OR5A1: variants seen among roughly 807,000 people sequenced by gnomAD.
The protein encoded by OR5A1 is olfactory receptor family 5 subfamily A member 1.
A neutral mutation model predicts 6.7 loss-of-function variants in OR5A1; 6 were observed. The ratio of observed to expected loss-of-function variants is 0.89; its 90% CI spans 0.49 to 1.76. The LOEUF (loss-of-function observed/expected upper bound fraction) is 1.76. OR5A1 is among the 40% of genes most tolerant of loss of function. The probability of loss-of-function intolerance (pLI) is 0.01; values close to 1 mark genes in which losing one functional copy is unlikely to be tolerated. For missense variants in OR5A1, 378 were observed against 381.7 expected, an observed-to-expected ratio of 0.99 and a Z score of 0.08; for synonymous variants, 170 against 155.0, an observed-to-expected ratio of 1.10 and a Z score of -0.72.
chr11:59,437,520 C>T (rs1216922172), intron 1 of OR5A1, among the ~76,000 whole-genome samples: 1 of 152,096 alleles, frequency 6.6e-6, no homozygotes, highest in Non-Finnish European at 1.5e-5. Context: ...CATTTATTTT[C>T]GGTACTATAC....
chr11:59,450,402 G>A lies in OR5A1; in HGVS notation c.*6286G>A, dbSNP rs1276694255. 1.3e-5 allele frequency: 2 copies of A among 152,014 alleles called. No homozygotes were observed. The highest frequency in any genetic ancestry group is 2.4e-5 in the African/African-American group (1 of 41,370). The allele number at this position is 152,014 out of a possible 1,614,324, so 9.4% of individuals were successfully genotyped here. A position where few individuals can be genotyped will look rare whatever the true frequency, so the allele number is the denominator to read the frequency against. ...GGGTGCCTCCAGCCAATGCCTCATG[G>A]AGCCATAACACACCAAAAGAAAAAT... On this transcript the variant is annotated 3_prime_UTR_variant, in exon 2 of 2. Coordinates refer to ENST00000641045, the MANE Select transcript of OR5A1 (RefSeq NM_001004728.2).
intron 1 of OR5A1, among the ~76,000 whole-genome samples, 189 bp downstream of exon 1, chr11:59,437,024 C>A (rs1170020197): frequency 6.6e-6 from 1 of 152,078 alleles, no homozygotes; most frequent in East Asian, 1.9e-4. Context: ...AAAAAATAGA[C>A]CTTATTTTTT....
In OR5A1 at chr11:59,436,612, T is replaced by C. The variant is rs1311148890; in HGVS notation, c.-257T>C. On this transcript the variant is annotated 5_prime_UTR_variant, in exon 1 of 2. Coordinates refer to ENST00000641045, the MANE Select transcript of OR5A1 (RefSeq NM_001004728.2). Reference sequence around the variant, plus strand: ...TCTTAAAGATTACAACCTCCATCCTTTCTTTATATATCTTTTTCTTCCTTT... The same window carrying C: ...TCTTAAAGATTACAACCTCCATCCTCTCTTTATATATCTTTTTCTTCCTTT... The C allele has an allele frequency of 6.6e-6, 1 of 152,166 alleles. No homozygotes were observed. The highest frequency in any genetic ancestry group is 1.5e-5 in the Non-Finnish European group (1 of 68,042). 9.4% of individuals were successfully genotyped at this position (152,166 alleles called of 1,614,324 possible).
intron 1 of OR5A1, among the ~76,000 whole-genome samples, chr11:59,438,681 G>A (rs1213630880): frequency 6.6e-6 from 1 of 152,148 alleles, no homozygotes; most frequent in East Asian, 1.9e-4. Context: ...GAACTTCTAT[G>A]CCCTTACACA....
At position 59,449,249 on chromosome 11, in the gene OR5A1, A is replaced by C. The variant is rs1858587963; in HGVS notation, c.*5133A>C. The stretch of plus-strand genomic sequence containing the variant: ...GTAAACTGTTCATGTGTTTGGGTGA[A>C]GAAGGGCAGAGCAGTGATGATGGGG... On this transcript the variant is annotated 3_prime_UTR_variant, in exon 2 of 2. Transcript: ENST00000641045. 6.6e-6 allele frequency: 1 copy of C among 152,198 alleles called. No individual in the cohort carries two copies. The allele number at this position is 152,198 out of a possible 1,614,324, so 9.4% of individuals were successfully genotyped here. A position where few individuals can be genotyped will look rare whatever the true frequency, so the allele number is the denominator to read the frequency against.
chr11:59,437,473 G>GT (rs1858430161), intron 1 of OR5A1, among the ~76,000 whole-genome samples: 2 of 152,118 alleles, frequency 1.3e-5, no homozygotes, highest in South Asian at 4.1e-4. Flanking sequence ...TAATATGCAC[G>GT]TAAGTTTCCT....
At position 59,443,261 on chromosome 11, in the gene OR5A1, T is replaced by C. The variant is rs1858502368; in HGVS notation, c.93T>C (p.Phe31=). Residue 31 remains phenylalanine, a synonymous_variant, in exon 2 of 2, where the codon TTT becomes TTC. Coordinates refer to ENST00000641045, the MANE Select transcript of OR5A1 (RefSeq NM_001004728.2). ...ATCCAGAACTCCAGGCCCTCCTCTTTGTGACCTTCCTGGGCATCTATCTTA... is the reference window on the plus strand; with the variant it reads ...ATCCAGAACTCCAGGCCCTCCTCTTCGTGACCTTCCTGGGCATCTATCTTA... ...TDHPELQALL[F]VTFLGIYLTT... 3.1e-6 allele frequency: 5 copies of C among 1,614,038 alleles called. No individual in the cohort carries two copies. Among genetic ancestry groups the C allele is most frequent in the Non-Finnish European group, 2.5e-6 (3 of 1,179,978 alleles).
intron 1 of OR5A1, among the ~76,000 whole-genome samples, chr11:59,437,169 T>C (rs10792240): frequency 0.62 from 94,071 of 152,018 alleles, 29,760 homozygotes; most frequent in South Asian, 0.74. Context: ...TGAACCTACA[T>C]TGGCAAATTA....
At position 59,448,585 on chromosome 11, in the gene OR5A1, T is replaced by C. The variant is rs1282184081; in HGVS notation, c.*4469T>C. 6.6e-6 allele frequency: 1 copy of C among 152,198 alleles called. No individual in the cohort carries two copies. Among genetic ancestry groups the C allele is most frequent in the Non-Finnish European group, 1.5e-5 (1 of 68,036 alleles). 9.4% of individuals were successfully genotyped at this position (152,198 alleles called of 1,614,324 possible). A position where few individuals can be genotyped will look rare whatever the true frequency, so the allele number is the denominator to read the frequency against. On this transcript the variant is annotated 3_prime_UTR_variant, in exon 2 of 2. Coordinates refer to ENST00000641045, the MANE Select transcript of OR5A1 (RefSeq NM_001004728.2). Reference sequence around the variant, plus strand: ...ACCAGGGATTCCTGTTATTATCAAATGCCACTTCCCCCAAGGAAGCATTCC... The same window carrying C: ...ACCAGGGATTCCTGTTATTATCAAACGCCACTTCCCCCAAGGAAGCATTCC...
Position 59,450,964 on chromosome 11 carries a change from GTTTATA to G in OR5A1, c.*6853_*6858del, listed in dbSNP as rs1858609544. ...TTGAAACAGCAATGTGATGAGCTTT[GTTTATA>G]TTTAGGACATTAAACATTTGGTTTA... On this transcript the variant is annotated 3_prime_UTR_variant, in exon 2 of 2. Transcript: ENST00000641045. 1 of 152,248 alleles carries G rather than the reference GTTTATA, an allele frequency of 6.6e-6. No homozygotes were observed. Among genetic ancestry groups the G allele is most frequent in the South Asian group, 2.1e-4 (1 of 4,824 alleles). The allele number at this position is 152,248 out of a possible 1,614,324, so 9.4% of individuals were successfully genotyped here.
rs776034194 is a variant in OR5A1, at chr11:59,443,696, C to T, written c.528C>T (p.Ile176=). ...GGCTTCACTTTTGCGGACCCAACAT[C>T]ATCAACCACTTCTTCTGCGACCTCC... ...IFRLHFCGPN[I]INHFFCDLPP... Residue 176 remains isoleucine, a synonymous_variant, in exon 2 of 2, where the codon ATC becomes ATT. Coordinates refer to ENST00000641045, the MANE Select transcript of OR5A1 (RefSeq NM_001004728.2). The T allele has an allele frequency of 2.0e-5, 32 of 1,614,022 alleles. No individual in the cohort carries two copies. In the Admixed American group the frequency reaches 4.7e-4, roughly 24 times the overall value.
In OR5A1 at chr11:59,449,727, T is replaced by C. The variant is rs1858595701; in HGVS notation, c.*5611T>C. 2 of 152,220 alleles carry C rather than the reference T, an allele frequency of 1.3e-5. No homozygotes were observed. Among genetic ancestry groups the C allele is most frequent in the Admixed American group, 6.5e-5 (1 of 15,272 alleles). The allele number at this position is 152,220 out of a possible 1,614,324, so 9.4% of individuals were successfully genotyped here. A position where few individuals can be genotyped will look rare whatever the true frequency, so the allele number is the denominator to read the frequency against. On this transcript the variant is annotated 3_prime_UTR_variant, in exon 2 of 2. Transcript: ENST00000641045. ...TGCATTAAGCCATTTAATTGACTTA[T>C]ACAGCAACATAAGTGAATAGGGGAT... is the stretch of plus-strand genomic sequence containing the variant.
chr11:59,443,697 A>G lies in OR5A1; in HGVS notation c.529A>G (p.Ile177Val). 2 of 1,614,008 alleles carry G rather than the reference A, an allele frequency of 1.2e-6. No individual in the cohort carries two copies. Among genetic ancestry groups the G allele is most frequent in the Non-Finnish European group, 1.7e-6 (2 of 1,179,992 alleles). ...GCTTCACTTTTGCGGACCCAACATC[A>G]TCAACCACTTCTTCTGCGACCTCCC... ...FRLHFCGPNI[I>V]NHFFCDLPPV... Residue 177 changes from isoleucine to valine, a missense_variant, in exon 2 of 2, where the codon ATC (isoleucine) becomes GTC (valine). Physicochemically the swap from Ile to Val is conservative, Grantham distance 29 (BLOSUM62 3). Coordinates refer to ENST00000641045, the MANE Select transcript of OR5A1 (RefSeq NM_001004728.2).
At chr11:59,437,286 C>G (rs1858427393) in intron 1 of OR5A1, among the ~76,000 whole-genome samples, 1 of 152,140 alleles carries the variant, frequency 6.6e-6, no homozygotes, top group South Asian at 2.1e-4. Context: ...ATAGGATCAT[C>G]CATAGTAGCT....
At chr11:59,441,938 T>TGATAGATAGATA (rs3033264) in intron 1 of OR5A1, among the ~76,000 whole-genome samples, 115 of 148,114 alleles carry the variant, frequency 7.8e-4, no homozygotes, top group South Asian at 1.1e-3. Context: ...GATAGAGAGA[T>TGATAGATAGATA]GATAGATAGA....
Position 59,448,993 on chromosome 11 carries a change from C to T in OR5A1, c.*4877C>T, listed in dbSNP as rs977384569. 4 of 152,074 alleles carry T rather than the reference C, an allele frequency of 2.6e-5. No individual in the cohort carries two copies. Among genetic ancestry groups the T allele is most frequent in the Admixed American group, 2.0e-4 (3 of 15,246 alleles). 9.4% of individuals were successfully genotyped at this position (152,074 alleles called of 1,614,324 possible). ...GAGATTCCTCAGACTTCCCTGTACA[C>T]AGTTTCATCACCTCCTTATTAGATG... On this transcript the variant is annotated 3_prime_UTR_variant, in exon 2 of 2. Coordinates refer to ENST00000641045, the MANE Select transcript of OR5A1 (RefSeq NM_001004728.2).
At chr11:59,437,007 A>G (rs1449640232) in intron 1 of OR5A1, among the ~76,000 whole-genome samples, 172 bp downstream of exon 1, 1 of 152,058 alleles carries the variant, frequency 6.6e-6, no homozygotes, top group East Asian at 1.9e-4. Context: ...CTTTTTTTGT[A>G]CTTTTTAAAA....
chr11:59,440,739 C>T (rs1204840057), intron 1 of OR5A1, among the ~76,000 whole-genome samples: 8 of 152,182 alleles, frequency 5.3e-5, no homozygotes, highest in Admixed American at 2.6e-4. Context: ...TCTTTTATTT[C>T]TTTGAAGGAT....
intron 1 of OR5A1, among the ~76,000 whole-genome samples, chr11:59,437,836 C>G (rs540574700): frequency 6.6e-6 from 1 of 152,222 alleles, no homozygotes; most frequent in East Asian, 1.9e-4. Context: ...TAAGCTGGAC[C>G]CTGTTTGATA....
Sources: gnomAD v4.1 joint callset for allele counts (sites outside exome capture counted in the v4.1 genomes callset) on GRCh38, gnomAD v4.1.1 for gene constraint, MANE v1.5 for transcripts, NCBI Gene and HGNC (gene_info 2026-07-23, HGNC 2026-07-21) for gene names.